Variants in CREB1 observed in about 807,000 individuals in gnomAD.
The protein encoded by CREB1 is cyclic AMP-responsive element-binding protein 1.
In CREB1, 2 loss-of-function variants were observed where a neutral mutation model predicts 42.0. The ratio of observed to expected loss-of-function variants is 0.05; its 90% CI spans 0.02 to 0.15. The LOEUF is 0.15. Among genes scored for constraint, CREB1 ranks in the 10% least tolerant of loss-of-function variants. CREB1 has a pLI of 1.00. For synonymous variants in CREB1, 123 were observed against 139.9 expected, an observed-to-expected ratio of 0.88 and a Z score of 0.85; for missense variants, 199 against 388.9, an observed-to-expected ratio of 0.51 and a Z score of 4.11.
chr2:207,567,604 T>A, intron 4 of CREB1, 41 bp downstream of exon 4: 1 of 1,399,874 alleles, frequency 7.1e-7, no homozygotes, highest in Non-Finnish European at 1.0e-6. Flanking sequence ...GTGGAGGAAG[T>A]CTTAGGTAGT....
rs2081301435 is a variant in CREB1 at position 207,546,348 on chromosome 2, G to T, written c.-8-9280G>T. ...GTACATAAAGCAAAACACACTGTAT[G>T]ATACTGTAATGGTGGACACATATCA... is the stretch of plus-strand genomic sequence containing the variant. On this transcript the variant is annotated intron_variant, in intron 1 of 7. Transcript: ENST00000353267. Among the ~76,000 whole-genome samples, 2 of 152,182 alleles carry T rather than the reference G, an allele frequency of 1.3e-5. 1 individual carries two copies. Among genetic ancestry groups the T allele is most frequent in the South Asian group, 4.1e-4 (2 of 4,836 alleles).
chr2:207,578,473 C>G (rs1574885623), intron 7 of CREB1, among the ~76,000 whole-genome samples: 1 of 152,270 alleles, frequency 6.6e-6, no homozygotes, highest in East Asian at 1.9e-4. Context: ...AGCAGGGCTT[C>G]CAAGTCCTAG....
At chr2:207,540,526 C>T (rs552967094) in intron 1 of CREB1, among the ~76,000 whole-genome samples, 12 of 151,854 alleles carry the variant, frequency 7.9e-5, no homozygotes, top group African/African-American at 2.9e-4. Context: ...TGCCTGTAAT[C>T]CCTGCTACTC....
intron 4 of CREB1, chr2:207,567,869 A>G (rs542658180): frequency 1.1e-4 from 20 of 179,212 alleles, no homozygotes; most frequent in Non-Finnish European, 1.9e-4. Context: ...TTATAAGCCA[A>G]CTCTGAGGCT....
chr2:207,588,336 AAATT>A (rs1162189751), intron 7 of CREB1, among the ~76,000 whole-genome samples: 1 of 152,034 alleles, frequency 6.6e-6, no homozygotes, highest in East Asian at 1.9e-4. Flanking sequence ...TTTTTTTCAA[AAATT>A]AATTGACCAT....
Position 207,603,159 on chromosome 2 carries a change from TTTTAA to T in CREB1, c.*6105_*6109del, listed in dbSNP as rs1316108932. Reference sequence around the variant, plus strand: ...TCCCTACATTCTAGAAACATCCCTGTTTTAATTTTTTTATCTAAATCTTTTTGTGC... The same window carrying T: ...TCCCTACATTCTAGAAACATCCCTGTTTTTTTTATCTAAATCTTTTTGTGC... On this transcript the variant is annotated 3_prime_UTR_variant, in exon 8 of 8. Transcript: ENST00000353267. 1 of 211,008 alleles carries T rather than the reference TTTTAA, an allele frequency of 4.7e-6. No individual in the cohort carries two copies. 13.1% of individuals were successfully genotyped at this position (211,008 alleles called of 1,614,324 possible). A position where few individuals can be genotyped will look rare whatever the true frequency, so the allele number is the denominator to read the frequency against.
At chr2:207,569,232 G>C (rs1442214018) in intron 4 of CREB1, among the ~76,000 whole-genome samples, 1 of 152,014 alleles carries the variant, frequency 6.6e-6, no homozygotes, top group Non-Finnish European at 1.5e-5. Flanking sequence ...TACAAACAGT[G>C]CCAATGGGAA....
chr2:207,569,614 C>G (rs184096304), intron 4 of CREB1, among the ~76,000 whole-genome samples: 60 of 151,948 alleles, frequency 3.9e-4, no homozygotes, highest in African/African-American at 1.3e-3. Flanking sequence ...TATTATTACC[C>G]TTAATTGCAC....
chr2:207,596,008 T>G (rs772599410), intron 7 of CREB1, among the ~76,000 whole-genome samples: 1 of 152,256 alleles, frequency 6.6e-6, no homozygotes, highest in African/African-American at 2.4e-5. Context: ...CTATTTTTGC[T>G]TTTGTTACCT....
At chr2:207,560,981 G>A in intron 3 of CREB1, 1 of 707,590 alleles carries the variant, frequency 1.4e-6, no homozygotes, top group Non-Finnish European at 2.5e-6. Flanking sequence ...GACCTTTGAA[G>A]GTGACTACTC....
rs2086832718 is a variant in CREB1, at chr2:207,600,269, A to G, written c.*3211A>G. On this transcript the variant is annotated 3_prime_UTR_variant, in exon 8 of 8. Coordinates refer to ENST00000353267, the MANE Select transcript of CREB1 (RefSeq NM_004379.5). ...TATATATATATATATATATACATAC[A>G]GTATATAATCTAAAGCTCTGAGAGC... 6.0e-6 allele frequency: 1 copy of G among 167,464 alleles called. No individual in the cohort carries two copies. Among genetic ancestry groups the G allele is most frequent in the Non-Finnish European group, 1.3e-5 (1 of 78,510 alleles). 10.4% of individuals were successfully genotyped at this position (167,464 alleles called of 1,614,324 possible). A position where few individuals can be genotyped will look rare whatever the true frequency, so the allele number is the denominator to read the frequency against.
At chr2:207,549,217 C>A (rs2081407651) in intron 1 of CREB1, among the ~76,000 whole-genome samples, 1 of 152,094 alleles carries the variant, frequency 6.6e-6, no homozygotes, top group South Asian at 2.1e-4. Context: ...TATATACATA[C>A]ATGTATATGC....
At chr2:207,550,387 A>G (rs1031752752) in intron 1 of CREB1, 2 of 119,542 alleles carry the variant, frequency 1.7e-5, no homozygotes, top group Non-Finnish European at 3.6e-5. Flanking sequence ...TTATGAATGT[A>G]TTATTTCTTT....
Position 207,549,949 on chromosome 2 carries a change from G to A in CREB1, c.-8-5679G>A, listed in dbSNP as rs377664053. ...TGTGCCACCACACTCCAGCCTGGGC[G>A]AAAGAGCGAGACTCCATCTCAAAAA... is the stretch of plus-strand genomic sequence containing the variant. On this transcript the variant is annotated intron_variant, in intron 1 of 7. Coordinates refer to ENST00000353267, the MANE Select transcript of CREB1 (RefSeq NM_004379.5). 6.1e-5 allele frequency among the ~76,000 whole-genome samples: 9 copies of A among 148,406 alleles called. 1 individual carries two copies. In the South Asian group the frequency reaches 1.1e-3, roughly 17 times the overall value.
At chr2:207,555,054 G>A (rs1033101989) in intron 1 of CREB1, among the ~76,000 whole-genome samples, 5 of 152,150 alleles carry the variant, frequency 3.3e-5, no homozygotes, top group African/African-American at 1.2e-4. Flanking sequence ...TCCAGTCTGG[G>A]CAACAGAGCA....
chr2:207,585,726 ATAGT>A (rs1273204699), intron 7 of CREB1, among the ~76,000 whole-genome samples: 3 of 152,224 alleles, frequency 2.0e-5, no homozygotes, highest in Non-Finnish European at 4.4e-5. Flanking sequence ...AAAGAGGTAA[ATAGT>A]TAAAGAAACA....
chr2:207,570,395 C>A, intron 5 of CREB1, 74 bp downstream of exon 5: 1 of 1,412,474 alleles, frequency 7.1e-7, no homozygotes, highest in Admixed American at 2.3e-5. Flanking sequence ...GTTGCATTCT[C>A]TTCAGAGAAA....
In CREB1 at chr2:207,539,316, T is replaced by A. The variant is rs150669710; in HGVS notation, c.-9+9182T>A. Among the ~76,000 whole-genome samples the A allele has an allele frequency of 1.4e-3, 209 of 151,778 alleles. 1 individual carries two copies. The highest frequency in any genetic ancestry group is 4.7e-3 in the African/African-American group (196 of 41,372). On this transcript the variant is annotated intron_variant, in intron 1 of 7. Coordinates refer to ENST00000353267, the MANE Select transcript of CREB1 (RefSeq NM_004379.5). ...TGATCTGCCTGCCTCAGCCTCCGAT[T>A]ACAGGCATGAACCACCGCCCCCAGC... is the stretch of plus-strand genomic sequence containing the variant.
At chr2:207,545,209 T>TTTTTG (rs1277552447) in intron 1 of CREB1, among the ~76,000 whole-genome samples, 1 of 152,148 alleles carries the variant, frequency 6.6e-6, no homozygotes, top group Non-Finnish European at 1.5e-5. Context: ...GGTTCTTTTA[T>TTTTTG]TTTTGTTTTG....
Sources: allele counts gnomAD v4.1 joint callset (sites outside exome capture counted in the v4.1 genomes callset), GRCh38; gene constraint gnomAD v4.1.1; transcripts MANE v1.5; gene names NCBI Gene and HGNC (gene_info 2026-07-23, HGNC 2026-07-21).